The following NMNAT2 variants were observed in gnomAD, a reference collection of about 807,000 sequenced individuals.
NMNAT2 encodes the protein nicotinamide/nicotinic acid mononucleotide adenylyltransferase 2.
NMNAT2 carries 11 observed loss-of-function variants against 41.6 expected under a neutral mutation model. That is an observed-to-expected ratio of 0.26 (90% CI 0.17 to 0.44). The LOEUF is 0.44. Ranked by LOEUF, NMNAT2 falls within the 20% of genes least tolerant of loss-of-function variation. The pLI is 1.00. For synonymous variants in NMNAT2, 148 were observed against 151.2 expected (o/e 0.98, Z 0.16); for missense variants, 288 against 407.7 (o/e 0.71, Z 2.53).
intron 1 of NMNAT2, among the ~76,000 whole-genome samples, chr1:183,340,941 A>G (rs1269757490): frequency 1.3e-5 from 2 of 152,228 alleles, no homozygotes; most frequent in Non-Finnish European, 2.9e-5. Context: ...TAGCTCACAA[A>G]GGCTCCACAT....
At chr1:183,287,109 T>C (rs920251328) in intron 4 of NMNAT2, among the ~76,000 whole-genome samples, 5 of 152,112 alleles carry the variant, frequency 3.3e-5, no homozygotes, top group African/African-American at 1.2e-4. Context: ...TATCTGTCTT[T>C]TTCAGTTGTG....
intron 1 of NMNAT2, among the ~76,000 whole-genome samples, chr1:183,373,774 T>C (rs1663608428): frequency 6.6e-6 from 1 of 152,018 alleles, no homozygotes; most frequent in Admixed American, 6.6e-5. Flanking sequence ...CACGCAACCA[T>C]GCCCGGCTAA....
At chr1:183,371,563 G>T (rs892833967) in intron 1 of NMNAT2, among the ~76,000 whole-genome samples, 3 of 152,170 alleles carry the variant, frequency 2.0e-5, no homozygotes, top group East Asian at 1.9e-4. Context: ...ATGTGTGAAG[G>T]GGGGAGTCTG....
intron 7 of NMNAT2, 23 bp downstream of exon 7, chr1:183,283,972 C>G: frequency 6.2e-7 from 1 of 1,613,308 alleles, no homozygotes; most frequent in Non-Finnish European, 8.5e-7. Context: ...CCCCATTTTC[C>G]GCACTTTCGC....
chr1:183,297,045 T>C (rs886155653), intron 1 of NMNAT2, among the ~76,000 whole-genome samples: 1 of 151,404 alleles, frequency 6.6e-6, no homozygotes, highest in Admixed American at 6.6e-5. Context: ...ACTCTCCCTG[T>C]CCTCCAAATA....
At chr1:183,286,378 C>T (rs1661398578) in intron 5 of NMNAT2, among the ~76,000 whole-genome samples, 1 of 152,156 alleles carries the variant, frequency 6.6e-6, no homozygotes, top group African/African-American at 2.4e-5. Flanking sequence ...AGGCGTGAGC[C>T]ACCAGGCCCG....
At chr1:183,276,089 T>A (rs1437170260) in intron 8 of NMNAT2, among the ~76,000 whole-genome samples, 3 of 152,196 alleles carry the variant, frequency 2.0e-5, no homozygotes, top group Non-Finnish European at 4.4e-5. Context: ...TCCAAAGTCA[T>A]CCATCTCAGA....
chr1:183,353,258 G>A lies in NMNAT2; in HGVS notation c.86-59465C>T, dbSNP rs1017078375. Reference sequence around the variant, plus strand: ...CCTGACCTCAAGATCCACCCGCCTCGGCCTCCCAAAGTGCTGGGATTACAG... The same window carrying A: ...CCTGACCTCAAGATCCACCCGCCTCAGCCTCCCAAAGTGCTGGGATTACAG... On this transcript the variant is annotated intron_variant, in intron 1 of 10. Transcript: ENST00000287713. Among the ~76,000 whole-genome samples the A allele has an allele frequency of 5.9e-5, 9 of 151,914 alleles. No homozygotes were observed. The East Asian group carries it at 1.5e-3, about 26-fold the overall frequency.
chr1:183,268,818 G>T (rs1660888288), intron 8 of NMNAT2, among the ~76,000 whole-genome samples: 1 of 152,206 alleles, frequency 6.6e-6, no homozygotes, highest in Non-Finnish European at 1.5e-5. Flanking sequence ...AAGGTGGGAG[G>T]ATCACTTGAG....
In NMNAT2 at chr1:183,345,173, A is replaced by AC. The variant is rs369859090; in HGVS notation, c.86-51381dup. On this transcript the variant is annotated intron_variant, in intron 1 of 10. Transcript: ENST00000287713. ...TAGCTGACTTGCTTCTACTAACATC[A>AC]CCTACTTCTTCAAGTTATTAAGCCT... Among the ~76,000 whole-genome samples, 526 of 150,544 alleles carry AC rather than the reference A, an allele frequency of 3.5e-3. 5 individuals are homozygous for AC. The highest frequency in any genetic ancestry group is 0.012 in the African/African-American group (498 of 40,726).
chr1:183,388,812 C>T (rs1648336975), intron 1 of NMNAT2, among the ~76,000 whole-genome samples: 1 of 152,144 alleles, frequency 6.6e-6, no homozygotes, highest in Admixed American at 6.5e-5. Context: ...TTCTGGTGCC[C>T]TAGAACAATG....
At chr1:183,404,620 A>C (rs1648904073) in intron 1 of NMNAT2, among the ~76,000 whole-genome samples, 2 of 152,172 alleles carry the variant, frequency 1.3e-5, no homozygotes, top group South Asian at 4.1e-4. Context: ...AGAATGGCCC[A>C]TTGTGTCCAA....
intron 1 of NMNAT2, among the ~76,000 whole-genome samples, chr1:183,315,672 C>T (rs2102326898): frequency 1.3e-5 from 2 of 151,416 alleles, no homozygotes; most frequent in South Asian, 4.2e-4. Context: ...ATCCCAGCTA[C>T]ACAGGAGGCT....
At chr1:183,315,853 G>A (rs958415206) in intron 1 of NMNAT2, among the ~76,000 whole-genome samples, 2 of 150,408 alleles carry the variant, frequency 1.3e-5, no homozygotes, top group Admixed American at 6.6e-5. Context: ...ACCATGGCAC[G>A]TGTATATCTA....
chr1:183,321,557 C>T (rs1332758294), intron 1 of NMNAT2, among the ~76,000 whole-genome samples: 1 of 152,024 alleles, frequency 6.6e-6, no homozygotes, highest in East Asian at 1.9e-4. Flanking sequence ...GCCTGGCCAA[C>T]ATAGTGAAAC....
In NMNAT2 at chr1:183,252,309, C is replaced by T. The variant is rs201335028; in HGVS notation, c.*332G>A. 1.4e-5 allele frequency: 4 copies of T among 276,478 alleles called. No homozygotes were observed. In the South Asian group the frequency reaches 1.5e-4, roughly 10 times the overall value. 17.1% of individuals were successfully genotyped at this position (276,478 alleles called of 1,614,324 possible). On this transcript the variant is annotated 3_prime_UTR_variant, in exon 11 of 11. Coordinates refer to ENST00000287713, the MANE Select transcript of NMNAT2 (RefSeq NM_015039.4). ...AGGATGGGCACCAGAGCCGCCTCCCCAGAGCGTGCTGGGAGGATGGGCACC... is the reference window on the plus strand; with the variant it reads ...AGGATGGGCACCAGAGCCGCCTCCCTAGAGCGTGCTGGGAGGATGGGCACC...
intron 8 of NMNAT2, among the ~76,000 whole-genome samples, chr1:183,270,831 G>C (rs781543820): frequency 4.6e-5 from 7 of 152,158 alleles, no homozygotes; most frequent in Non-Finnish European, 1.0e-4. Context: ...GCTGGAGCTG[G>C]ACTGTCTGAT....
At chr1:183,306,412 T>C (rs1661994716) in intron 1 of NMNAT2, among the ~76,000 whole-genome samples, 1 of 152,216 alleles carries the variant, frequency 6.6e-6, no homozygotes, top group Admixed American at 6.5e-5. Flanking sequence ...ATTTGTATTG[T>C]TTTAAGCTAA....
chr1:183,405,963 G>T (rs760329904), intron 1 of NMNAT2, among the ~76,000 whole-genome samples: 5 of 152,180 alleles, frequency 3.3e-5, no homozygotes, highest in Non-Finnish European at 7.3e-5. Context: ...ACACCAGTTA[G>T]ATTTTTTAAT....
Sources: gnomAD v4.1 joint callset for allele counts (sites outside exome capture counted in the v4.1 genomes callset) on GRCh38, gnomAD v4.1.1 for gene constraint, MANE v1.5 for transcripts, NCBI Gene and HGNC (gene_info 2026-07-23, HGNC 2026-07-21) for gene names.